The following BIRC6 variants were observed in gnomAD, a reference collection of about 807,000 sequenced individuals.
BIRC6 encodes the protein baculoviral IAP repeat containing 6, also known as dual E2 ubiquitin-conjugating enzyme/E3 ubiquitin-protein ligase BIRC6.
In BIRC6, 98 loss-of-function variants were observed where a neutral mutation model predicts 503.3. The ratio of observed to expected loss-of-function variants is 0.19; its 90% CI spans 0.17 to 0.23. The LOEUF (loss-of-function observed/expected upper bound fraction) is 0.23, where lower values mean the gene tolerates loss of function less well. Ranked by LOEUF, BIRC6 falls within the 10% of genes least tolerant of loss-of-function variation. The probability of loss-of-function intolerance (pLI) is 1.00; values close to 1 mark genes in which losing one functional copy is unlikely to be tolerated. For missense variants in BIRC6, 5,360 were observed against 5,806.0 expected (o/e 0.92, Z 2.50); for synonymous variants, 2,240 against 2,078.7 (o/e 1.08, Z -2.11).
chr2:32,395,397 T>TA (rs2039762294), intron 5 of BIRC6, 114 bp from the exon 6 acceptor site: 1 of 766,776 alleles, frequency 1.3e-6, no homozygotes. Flanking sequence ...CTAATTTTCT[T>TA]ATTTTCAGTA....
intron 65 of BIRC6, chr2:32,565,641 A>G (rs546731845): frequency 2.0e-5 from 3 of 152,350 alleles, no homozygotes; most frequent in Admixed American, 6.5e-5. Context: ...ATAAATACAT[A>G]TTAGTTCATT....
chr2:32,470,935 G>A, intron 31 of BIRC6, 79 bp from the exon 32 acceptor site: 1 of 1,398,560 alleles, frequency 7.2e-7, no homozygotes, highest in Non-Finnish European at 9.7e-7. Context: ...AGAATGTTTT[G>A]TTTCACTTAT....
chr2:32,587,554 T>C (rs1469518874), intron 66 of BIRC6, among the ~76,000 whole-genome samples: 2 of 151,900 alleles, frequency 1.3e-5, no homozygotes, highest in Non-Finnish European at 2.9e-5. Flanking sequence ...CAAAACCCTG[T>C]CTCTACTAAT....
intron 21 of BIRC6, among the ~76,000 whole-genome samples, chr2:32,448,435 G>T (rs983946639): frequency 3.3e-5 from 5 of 151,050 alleles, no homozygotes; most frequent in African/African-American, 1.2e-4. Flanking sequence ...GATCACTCGC[G>T]GTTAGGAGCT....
intron 30 of BIRC6, 103 bp downstream of exon 30, chr2:32,469,717 A>C: frequency 1.9e-6 from 2 of 1,049,826 alleles, no homozygotes; most frequent in Non-Finnish European, 2.8e-6. Flanking sequence ...TAAGTTGTGA[A>C]TATGAAGCAG....
chr2:32,604,584 T>G (rs1329086083), intron 71 of BIRC6, among the ~76,000 whole-genome samples: 1 of 152,256 alleles, frequency 6.6e-6, no homozygotes, highest in Non-Finnish European at 1.5e-5. Flanking sequence ...GCAGGAAGTA[T>G]TGATCTCTGA....
At chr2:32,581,674 C>T (rs529802194) in intron 66 of BIRC6, among the ~76,000 whole-genome samples, 2 of 152,126 alleles carry the variant, frequency 1.3e-5, no homozygotes, top group South Asian at 4.2e-4. Context: ...ACTTATTAAT[C>T]CTTGAAATAT....
intron 1 of BIRC6, among the ~76,000 whole-genome samples, chr2:32,375,982 G>A (rs1329708917): frequency 6.6e-6 from 1 of 151,964 alleles, no homozygotes; most frequent in African/African-American, 2.4e-5. Flanking sequence ...TCAGGAGATC[G>A]AGACCATCCT....
At chr2:32,371,361 T>C (rs765737116) in intron 1 of BIRC6, among the ~76,000 whole-genome samples, 2 of 152,114 alleles carry the variant, frequency 1.3e-5, no homozygotes, top group African/African-American at 2.4e-5. Flanking sequence ...GCATTTCTTT[T>C]TACTTTCTTC....
At chr2:32,607,421 C>G in intron 71 of BIRC6, 34 bp from the exon 72 acceptor site, 6 of 1,375,230 alleles carry the variant, frequency 4.4e-6, no homozygotes, top group Non-Finnish European at 5.8e-6. Flanking sequence ...GTAAAAATGT[C>G]CCATCATAGC....
intron 40 of BIRC6, among the ~76,000 whole-genome samples, chr2:32,486,050 C>T (rs2149265436): frequency 6.6e-6 from 1 of 152,310 alleles, no homozygotes; most frequent in South Asian, 2.1e-4. Flanking sequence ...AAAATTCCTA[C>T]AGAAGCCTTC....
chr2:32,501,991 G>A (rs546358709), intron 47 of BIRC6, 103 bp downstream of exon 47: 194 of 1,169,594 alleles, frequency 1.7e-4, no homozygotes, highest in Admixed American at 8.0e-5. Flanking sequence ...ATTATATATC[G>A]GACAATGAAA....
At chr2:32,578,243 AT>A (rs971070047) in intron 66 of BIRC6, among the ~76,000 whole-genome samples, 207 of 151,352 alleles carry the variant, frequency 1.4e-3, no homozygotes, top group African/African-American at 4.5e-3. Context: ...CTTAAGATGT[AT>A]TTTTTTTTCT....
intron 3 of BIRC6, among the ~76,000 whole-genome samples, chr2:32,387,271 T>G (rs890105283): frequency 6.6e-6 from 1 of 151,926 alleles, no homozygotes. Flanking sequence ...GTGAACAGAT[T>G]AATTAGGTCT....
chr2:32,485,085 C>T (rs1260433024), intron 39 of BIRC6, among the ~76,000 whole-genome samples: 2 of 152,170 alleles, frequency 1.3e-5, no homozygotes, highest in Non-Finnish European at 2.9e-5. Context: ...TATTTCAAAA[C>T]CTTTTAAAGG....
intron 15 of BIRC6, among the ~76,000 whole-genome samples, 190 bp from the exon 16 acceptor site, chr2:32,439,318 T>A (rs182367274): frequency 6.6e-5 from 10 of 152,264 alleles, no homozygotes; most frequent in African/African-American, 2.4e-4. Flanking sequence ...TATCATTCCT[T>A]TGTTGGTTGT....
intron 65 of BIRC6, among the ~76,000 whole-genome samples, chr2:32,568,187 CTTT>C (rs752609126): frequency 2.9e-5 from 4 of 139,226 alleles, no homozygotes; most frequent in South Asian, 4.6e-4. Context: ...TAAGTTTTAT[CTTT>C]TTTTTTTTTT....
In BIRC6 at chr2:32,493,260, T is replaced by G. The variant is rs148149381; in HGVS notation, c.8341-280T>G. On this transcript the variant is annotated intron_variant, in intron 44 of 73. Transcript: ENST00000421745. ...ATTATAAAAGTATTTATTGTGTAATTCAGGTGAACTTTTTTTAGTATTGAG... is the reference window on the plus strand; with the variant it reads ...ATTATAAAAGTATTTATTGTGTAATGCAGGTGAACTTTTTTTAGTATTGAG... Among the ~76,000 whole-genome samples the G allele has an allele frequency of 1.3e-3, 192 of 152,196 alleles. 1 individual carries two copies. Among genetic ancestry groups the G allele is most frequent in the African/African-American group, 4.5e-3 (189 of 41,570 alleles).
chr2:32,489,945 G>T, intron 42 of BIRC6, 96 bp from the exon 43 acceptor site: 1 of 844,326 alleles, frequency 1.2e-6, no homozygotes, highest in South Asian at 1.6e-5. Flanking sequence ...CGGATTTAAA[G>T]AAATAGTGTC....
Sources: allele counts gnomAD v4.1 joint callset (sites outside exome capture counted in the v4.1 genomes callset), GRCh38; gene constraint gnomAD v4.1.1; transcripts MANE v1.5; gene names NCBI Gene and HGNC (gene_info 2026-07-23, HGNC 2026-07-21).